The following RILPL1 variants were observed in gnomAD, a reference collection of about 807,000 sequenced individuals.
RILPL1 encodes Rab interacting lysosomal protein like 1.
RILPL1 carries 33 observed loss-of-function variants against 50.3 expected under a neutral mutation model. That is an observed-to-expected ratio of 0.66 (90% confidence interval 0.50 to 0.88). The LOEUF is 0.88. RILPL1 is among the 40% of genes least tolerant of loss of function. The pLI is 0.00. For missense variants in RILPL1, 418 were observed against 542.5 expected, an observed-to-expected ratio of 0.77 and a Z score of 2.28; for synonymous variants, 205 against 228.6, an observed-to-expected ratio of 0.90 and a Z score of 0.93.
chr12:123,522,001 C>A lies in RILPL1; in HGVS notation c.460+1494G>T, dbSNP rs1885085750. On this transcript the variant is annotated intron_variant, in intron 2 of 6. Transcript: ENST00000376874. The surrounding 1 kb of genome is among the most constrained non-coding windows in gnomAD (Gnocchi z 4.0). Reference sequence around the variant, plus strand: ...CGTTGGCCAGGCCTCAAACTCCTGACCTCAAATGATCCACCTGCCTTGGCC... The same window carrying A: ...CGTTGGCCAGGCCTCAAACTCCTGAACTCAAATGATCCACCTGCCTTGGCC... Among the ~76,000 whole-genome samples, 1 of 152,024 alleles carries A rather than the reference C, an allele frequency of 6.6e-6. No individual in the cohort carries two copies. Among genetic ancestry groups the A allele is most frequent in the Non-Finnish European group, 1.5e-5 (1 of 68,028 alleles).
intron 2 of RILPL1, chr12:123,513,937 C>T (rs1884540072): frequency 6.6e-6 from 1 of 152,180 alleles, no homozygotes. Context: ...TGTCCACCAG[C>T]AAGGCACTGT....
chr12:123,517,869 C>CGTGT (rs1347944865), intron 2 of RILPL1, among the ~76,000 whole-genome samples: 3 of 152,192 alleles, frequency 2.0e-5, no homozygotes, highest in African/African-American at 7.2e-5. Flanking sequence ...GTAGGGCCTG[C>CGTGT]ACACAATGGA....
chr12:123,508,487 A>G (rs1480409731), intron 2 of RILPL1, among the ~76,000 whole-genome samples: 2 of 152,196 alleles, frequency 1.3e-5, no homozygotes, highest in Non-Finnish European at 2.9e-5. Flanking sequence ...AAAAGCATAC[A>G]CTGTATGATT....
intron 2 of RILPL1, among the ~76,000 whole-genome samples, chr12:123,502,788 T>G (rs1883479812): frequency 6.6e-6 from 1 of 152,222 alleles, no homozygotes; most frequent in African/African-American, 2.4e-5. Context: ...ATCAGAAATT[T>G]ATTTTCTCAT....
rs1268860841 is a variant in RILPL1 at position 123,472,654 on chromosome 12, GCTT to G, written c.1093_1095del (p.Lys365del). On this transcript the variant is annotated inframe_deletion, in exon 7 of 7. Coordinates refer to ENST00000376874, the MANE Select transcript of RILPL1 (RefSeq NM_178314.5). ...ACGTTTCTCTGTGTGTTGGCCAGGCGCTTCTTATCTCGGGAGAAGAAGCTAAAC... is the reference window on the plus strand; with the variant it reads ...ACGTTTCTCTGTGTGTTGGCCAGGCGCTTATCTCGGGAGAAGAAGCTAAAC... 8.8e-6 allele frequency: 14 copies of G among 1,598,740 alleles called. No individual in the cohort carries two copies. Among genetic ancestry groups the G allele is most frequent in the African/African-American group, 1.3e-5 (1 of 74,716 alleles).
At chr12:123,532,770 C>CA (rs548829590) in intron 1 of RILPL1, among the ~76,000 whole-genome samples, 155 of 141,318 alleles carry the variant, frequency 1.1e-3, no homozygotes, top group African/African-American at 3.8e-3. Context: ...CTCGGGAGGC[C>CA]AAGAGGCTTA....
Position 123,530,856 on chromosome 12 carries a change from CAG to C in RILPL1, c.309+2316_309+2317del, listed in dbSNP as rs556551515. 1.2e-4 allele frequency among the ~76,000 whole-genome samples: 18 copies of C among 152,252 alleles called. No homozygotes were observed. In the South Asian group the frequency reaches 1.7e-3, roughly 14 times the overall value. On this transcript the variant is annotated intron_variant, in intron 1 of 6. Transcript: ENST00000376874. Reference sequence around the variant, plus strand: ...CAGAGTTGCAGACTGAGTAATGAGACAGAACATGACACAACTGTGGCCTGCAT... The same window carrying C: ...CAGAGTTGCAGACTGAGTAATGAGACAACATGACACAACTGTGGCCTGCAT...
At chr12:123,525,239 A>G (rs1399880974) in intron 1 of RILPL1, among the ~76,000 whole-genome samples, 1 of 151,970 alleles carries the variant, frequency 6.6e-6, no homozygotes, top group Non-Finnish European at 1.5e-5. Context: ...ATTTTTAGAG[A>G]CAGGGTCTTG....
intron 6 of RILPL1, 141 bp from the exon 7 acceptor site, chr12:123,472,823 G>A (rs1018807566): frequency 1.2e-5 from 10 of 833,088 alleles, no homozygotes; most frequent in African/African-American, 1.7e-5. Flanking sequence ...AGTTGGGGGT[G>A]CAGGTCAAAG....
intron 2 of RILPL1, among the ~76,000 whole-genome samples, chr12:123,503,170 A>T (rs958112553): frequency 7.3e-6 from 1 of 136,708 alleles, no homozygotes; most frequent in African/African-American, 2.7e-5. Flanking sequence ...TACAGGCGTG[A>T]ACCACCACGC....
Position 123,485,709 on chromosome 12 carries a change from G to A in RILPL1, c.898C>T (p.Arg300Trp), listed in dbSNP as rs1882281581. 2.5e-6 allele frequency: 4 copies of A among 1,613,368 alleles called. No homozygotes were observed. Among genetic ancestry groups the A allele is most frequent in the Non-Finnish European group, 2.5e-6 (3 of 1,179,662 alleles). ...TCGTTCCTCTCGTGCAGCACGTCCC[G>A]CAGCTCCTGCAGGGTGAACCGGGGG... is the stretch of plus-strand genomic sequence containing the variant. Reference protein sequence around the residue: ...NRPRFTLQELRDVLHERNELK... With the variant: ...NRPRFTLQELWDVLHERNELK... The change falls in exon 5 of 7, where the codon CGG (arginine) becomes TGG (tryptophan). Residue 300 changes from arginine (R) to tryptophan (W), a missense_variant. Transcript: ENST00000376874. This position sits in a 1 kb window ranked among gnomAD's most constrained non-coding sequence, Gnocchi z 4.0.
At chr12:123,475,817 C>G in intron 6 of RILPL1, 1 of 949,388 alleles carries the variant, frequency 1.1e-6, no homozygotes, top group South Asian at 1.4e-5. Flanking sequence ...GAAACAAACT[C>G]CACAGACACC....
chr12:123,502,232 G>A (rs917325020), intron 2 of RILPL1, among the ~76,000 whole-genome samples: 2 of 152,210 alleles, frequency 1.3e-5, no homozygotes, highest in South Asian at 4.1e-4. Flanking sequence ...TAATTGTTTT[G>A]AAATATTAAT....
Position 123,485,584 on chromosome 12 carries a change from A to C in RILPL1, c.974+49T>G, listed in dbSNP as rs775942759. On this transcript the variant is annotated intron_variant, in intron 5 of 6. Coordinates refer to ENST00000376874, the MANE Select transcript of RILPL1 (RefSeq NM_178314.5). This position sits in a 1 kb window ranked among gnomAD's most constrained non-coding sequence, Gnocchi z 4.0. ...AGGTAACTGTACAGAAACTCTGGCT[A>C]ACCTCAGTAAGGAGCCAGCTCGGGC... 6 of 1,557,430 alleles carry C rather than the reference A, an allele frequency of 3.9e-6. No homozygotes were observed. In the East Asian group the frequency reaches 1.3e-4, roughly 35 times the overall value.
intron 6 of RILPL1, chr12:123,475,470 C>G: frequency 1.7e-6 from 1 of 580,422 alleles, no homozygotes; most frequent in Admixed American, 2.9e-5. Context: ...AATTCTGAGG[C>G]TTCGCTCGAG....
chr12:123,527,747 C>T (rs552333814), intron 1 of RILPL1, among the ~76,000 whole-genome samples: 2 of 152,022 alleles, frequency 1.3e-5, no homozygotes, highest in Admixed American at 6.6e-5. Context: ...CCAGGGTCTT[C>T]GTAAGAGGAA....
chr12:123,521,026 T>A (rs1247957929), intron 2 of RILPL1, among the ~76,000 whole-genome samples: 3 of 152,236 alleles, frequency 2.0e-5, no homozygotes, highest in Non-Finnish European at 4.4e-5. Flanking sequence ...ACTCTGCCAC[T>A]AACTTGCTGT....
chr12:123,476,764 C>G (rs1179242787), intron 6 of RILPL1, among the ~76,000 whole-genome samples: 1 of 152,178 alleles, frequency 6.6e-6, no homozygotes, highest in Admixed American at 6.5e-5. Flanking sequence ...GAGACAATAC[C>G]TGACTGTTAT....
chr12:123,490,298 G>A (rs187711353), intron 4 of RILPL1, among the ~76,000 whole-genome samples: 12 of 152,160 alleles, frequency 7.9e-5, no homozygotes, highest in African/African-American at 2.6e-4. Flanking sequence ...AAAGCCACCC[G>A]CCCCTATGTC....
Sources: allele counts gnomAD v4.1 joint callset (sites outside exome capture counted in the v4.1 genomes callset), GRCh38; gene constraint gnomAD v4.1.1; non-coding constraint Gnocchi (gnomAD v3.1); transcripts MANE v1.5; gene names NCBI Gene and HGNC (gene_info 2026-07-23, HGNC 2026-07-21).